The following STAG1 variants were observed in gnomAD, a reference collection of about 807,000 sequenced individuals.
STAG1 encodes cohesin subunit SA-1.
Under a neutral mutation model 170.9 loss-of-function variants are expected in STAG1, and 26 were observed. That is an observed-to-expected ratio of 0.15 (90% CI 0.11 to 0.21). STAG1 has a LOEUF of 0.21. Ranked by LOEUF, STAG1 falls within the 10% of genes least tolerant of loss-of-function variation. STAG1 has a pLI of 1.00. For missense variants in STAG1, 964 were observed against 1,509.5 expected, an observed-to-expected ratio of 0.64 and a Z score of 5.99; for synonymous variants, 514 against 497.7, an observed-to-expected ratio of 1.03 and a Z score of -0.44.
chr3:136,608,511 C>T (rs924323961), intron 3 of STAG1, among the ~76,000 whole-genome samples: 2 of 141,454 alleles, frequency 1.4e-5, no homozygotes, highest in Non-Finnish European at 3.0e-5. Context: ...TGGATGACAG[C>T]GAGACCCTAT....
chr3:136,387,019 C>A (rs2086889976), intron 22 of STAG1, among the ~76,000 whole-genome samples: 3 of 150,456 alleles, frequency 2.0e-5, no homozygotes, highest in African/African-American at 7.4e-5. Context: ...ATTTAGTGAT[C>A]AATTTTCATG....
chr3:136,744,374 G>C (rs528614029), intron 1 of STAG1, among the ~76,000 whole-genome samples: 1 of 152,264 alleles, frequency 6.6e-6, no homozygotes, highest in South Asian at 2.1e-4. Context: ...ATAAAGACAG[G>C]AGTACAACTG....
chr3:136,485,526 G>T (rs531245946), intron 9 of STAG1, among the ~76,000 whole-genome samples: 1 of 152,094 alleles, frequency 6.6e-6, no homozygotes, highest in African/African-American at 2.4e-5. Context: ...CTGAACATGC[G>T]TGGGACAAGA....
intron 7 of STAG1, among the ~76,000 whole-genome samples, chr3:136,507,260 A>C (rs1361347479): frequency 6.6e-6 from 1 of 152,244 alleles, no homozygotes; most frequent in Non-Finnish European, 1.5e-5. Flanking sequence ...TAACATGTTT[A>C]GAAAAACGTA....
At chr3:136,640,952 G>A (rs1940775246) in intron 1 of STAG1, among the ~76,000 whole-genome samples, 1 of 152,234 alleles carries the variant, frequency 6.6e-6, no homozygotes, top group African/African-American at 2.4e-5. Context: ...TGGGATTACA[G>A]GCGTGAGCCA....
chr3:136,529,245 T>G (rs1070232), intron 6 of STAG1, among the ~76,000 whole-genome samples: 114,029 of 152,032 alleles, frequency 0.75, 42,857 homozygotes, highest in East Asian at 0.87. Context: ...CTTAATAAAA[T>G]AATAGATGGA....
At chr3:136,747,237 C>T (rs1239109055) in intron 1 of STAG1, among the ~76,000 whole-genome samples, 1 of 150,236 alleles carries the variant, frequency 6.7e-6, no homozygotes, top group Non-Finnish European at 1.5e-5. Flanking sequence ...CATGCCACTG[C>T]ACTCCAGCCT....
intron 16 of STAG1, among the ~76,000 whole-genome samples, chr3:136,430,625 T>G (rs1213104273): frequency 1.2e-5 from 1 of 84,382 alleles, no homozygotes; most frequent in African/African-American, 4.3e-5. Flanking sequence ...GCTGAAGAGC[T>G]TAAAAAAAAA....
chr3:136,643,045 A>G (rs1265248232), intron 1 of STAG1, among the ~76,000 whole-genome samples: 2 of 152,212 alleles, frequency 1.3e-5, no homozygotes, highest in Non-Finnish European at 2.9e-5. Context: ...CTAAATGCCT[A>G]TGAGCTTGTT....
intron 6 of STAG1, among the ~76,000 whole-genome samples, chr3:136,526,192 G>C (rs1264835974): frequency 2.6e-5 from 4 of 152,128 alleles, no homozygotes; most frequent in Admixed American, 2.0e-4. Flanking sequence ...TGTTGACAGT[G>C]GGGTGTTAAA....
intron 1 of STAG1, among the ~76,000 whole-genome samples, chr3:136,724,645 C>T (rs1933554879): frequency 6.6e-6 from 1 of 150,682 alleles, no homozygotes; most frequent in South Asian, 2.1e-4. Context: ...TACTTAGTGG[C>T]TCCAGTCTGC....
chr3:136,612,213 G>C lies in STAG1; in HGVS notation c.133-7740C>G, dbSNP rs147155737. ...AAGTTTCGAACTTCAGAGCATTTCA[G>C]ATTTCAGATTTTTCTATTAGGGTTG... On this transcript the variant is annotated intron_variant, in intron 3 of 33. Transcript: ENST00000383202. 2.1e-3 allele frequency among the ~76,000 whole-genome samples: 320 copies of C among 152,252 alleles called. 2 individuals are homozygous for C. Among genetic ancestry groups the C allele is most frequent in the African/African-American group, 7.4e-3 (306 of 41,550 alleles).
intron 1 of STAG1, among the ~76,000 whole-genome samples, chr3:136,738,047 G>A (rs906067080): frequency 3.3e-5 from 5 of 151,996 alleles, no homozygotes; most frequent in Non-Finnish European, 2.9e-5. Flanking sequence ...CAGCCTAGGC[G>A]ACACAGTGAG....
chr3:136,626,208 A>ACC, intron 2 of STAG1, among the ~76,000 whole-genome samples: 1 of 152,184 alleles, frequency 6.6e-6, no homozygotes, highest in Non-Finnish European at 1.5e-5. Flanking sequence ...CCAGCAGATC[A>ACC]TGAGGTCAGA....
chr3:136,675,057 T>C (rs1942091782), intron 1 of STAG1, among the ~76,000 whole-genome samples: 1 of 152,234 alleles, frequency 6.6e-6, no homozygotes, highest in African/African-American at 2.4e-5. Context: ...GTTGGTTTCA[T>C]AATTGTAACC....
intron 10 of STAG1, 95 bp from the exon 11 acceptor site, chr3:136,473,732 G>A: frequency 2.4e-6 from 2 of 832,634 alleles, no homozygotes; most frequent in South Asian, 2.9e-5. Flanking sequence ...TTAAACATTT[G>A]ACTTACTGCA....
At chr3:136,599,867 C>T (rs889762700) in intron 4 of STAG1, among the ~76,000 whole-genome samples, 1 of 152,178 alleles carries the variant, frequency 6.6e-6, no homozygotes, top group African/African-American at 2.4e-5. Flanking sequence ...TCTTTCATCC[C>T]TCTAGCATCT....
At chr3:136,744,673 C>CCT (rs1934846122) in intron 1 of STAG1, among the ~76,000 whole-genome samples, 1 of 117,478 alleles carries the variant, frequency 8.5e-6, no homozygotes, top group Non-Finnish European at 1.7e-5. Context: ...CTGCAACCAT[C>CCT]TTTTTTTTTT....
chr3:136,579,562 A>G (rs1390466000), intron 4 of STAG1, among the ~76,000 whole-genome samples: 2 of 152,260 alleles, frequency 1.3e-5, no homozygotes, highest in Non-Finnish European at 2.9e-5. Context: ...GGCTAGAGAC[A>G]AACCTCAGGG....
Sources: gnomAD v4.1 joint callset for allele counts (sites outside exome capture counted in the v4.1 genomes callset) on GRCh38, gnomAD v4.1.1 for gene constraint, MANE v1.5 for transcripts, NCBI Gene and HGNC (gene_info 2026-07-23, HGNC 2026-07-21) for gene names.